LRRC8B: variants seen among roughly 807,000 people sequenced by gnomAD.
The protein encoded by LRRC8B is leucine rich repeat containing 8 VRAC subunit B.
LRRC8B carries 23 observed loss-of-function variants against 58.8 expected under a neutral mutation model. The ratio of observed to expected loss-of-function variants is 0.39; its 90% CI spans 0.28 to 0.55. The LOEUF (loss-of-function observed/expected upper bound fraction) is 0.55. LRRC8B is among the 20% of genes least tolerant of loss of function. The probability of loss-of-function intolerance (pLI) is 0.62; values close to 1 mark genes in which losing one functional copy is unlikely to be tolerated. For synonymous variants in LRRC8B, 359 were observed against 374.1 expected (o/e 0.96, Z 0.47); for missense variants, 694 against 936.0 (o/e 0.74, Z 3.37).
chr1:89,568,183 A>G (rs1653179030), intron 1 of LRRC8B, 64 bp from the exon 2 acceptor site: 1 of 152,156 alleles, frequency 6.6e-6, no homozygotes. Flanking sequence ...TTTGTGCCTT[A>G]TAAGCTACTG....
At chr1:89,528,785 A>G (rs1307211865) in intron 1 of LRRC8B, among the ~76,000 whole-genome samples, 4 of 152,194 alleles carry the variant, frequency 2.6e-5, no homozygotes, top group African/African-American at 9.7e-5. Context: ...AGCTTCAGCC[A>G]TCACCCCCAA....
At chr1:89,548,464 A>G (rs1055609421) in intron 1 of LRRC8B, among the ~76,000 whole-genome samples, 1 of 152,230 alleles carries the variant, frequency 6.6e-6, no homozygotes, top group African/African-American at 2.4e-5. Flanking sequence ...ACAGAGAAGG[A>G]CAATCAGAAC....
chr1:89,569,246 T>C (rs1394373846), intron 3 of LRRC8B, among the ~76,000 whole-genome samples: 1 of 152,210 alleles, frequency 6.6e-6, no homozygotes, highest in Admixed American at 6.5e-5. Context: ...ATCCTTTGAC[T>C]TCTTAGGTAT....
At chr1:89,590,573 T>TG (rs1330898563) in intron 5 of LRRC8B, among the ~76,000 whole-genome samples, 2 of 152,226 alleles carry the variant, frequency 1.3e-5, no homozygotes, top group Non-Finnish European at 2.9e-5. Flanking sequence ...TCTCTTCTAG[T>TG]GGAGCCTAAG....
In LRRC8B at chr1:89,582,682, C is replaced by G. The variant is rs762565912; in HGVS notation, c.32C>G (p.Ala11Gly). The G allele has an allele frequency of 6.2e-7, 1 of 1,613,820 alleles. No homozygotes were observed. The highest frequency in any genetic ancestry group is 1.1e-5 in the South Asian group (1 of 91,074). The change falls in exon 5 of 6, where the codon GCA (alanine) becomes GGA (glycine). Residue 11 changes from alanine (A) to glycine (G), a missense_variant. Physicochemically the swap from Ala to Gly is moderately conservative, Grantham distance 60. Coordinates refer to ENST00000330947, the MANE Select transcript of LRRC8B (RefSeq NM_001369817.2). MITLTELKCL[A>G]DAQSSYHILK... ...ACACTAACTGAGCTAAAATGCTTAG[C>G]AGATGCCCAGTCATCTTATCACATC...
intron 1 of LRRC8B, among the ~76,000 whole-genome samples, chr1:89,537,342 T>C (rs958750475): frequency 2.6e-5 from 4 of 152,194 alleles, no homozygotes; most frequent in Non-Finnish European, 4.4e-5. Flanking sequence ...TGAGTGTCGG[T>C]GTTCCAGCAG....
chr1:89,583,565 C>A lies in LRRC8B; in HGVS notation c.915C>A (p.Val305=), dbSNP rs1332330773. 2 of 1,611,466 alleles carry A rather than the reference C, an allele frequency of 1.2e-6. No homozygotes were observed. Among genetic ancestry groups the A allele is most frequent in the Admixed American group, 3.3e-5 (2 of 60,028 alleles). ...CAGGATATAAGCGCTACCAGTGTGT[C>A]TATTCCTTGGCAGAAATCTTTAAGG... ...AFTGYKRYQC[V]YSLAEIFKVL... Residue 305 remains valine, a synonymous_variant, in exon 5 of 6, where the codon GTC becomes GTA. Coordinates refer to ENST00000330947, the MANE Select transcript of LRRC8B (RefSeq NM_001369817.2). This position sits in a 1 kb window ranked among gnomAD's most constrained non-coding sequence, Gnocchi z 5.2.
chr1:89,564,835 A>G (rs1343997633), intron 1 of LRRC8B, among the ~76,000 whole-genome samples: 1 of 152,174 alleles, frequency 6.6e-6, no homozygotes, highest in Non-Finnish European at 1.5e-5. Context: ...TTTGTTTTAA[A>G]CATCTTTTGT....
chr1:89,565,270 AC>A (rs1205453720), intron 1 of LRRC8B, among the ~76,000 whole-genome samples: 1 of 152,184 alleles, frequency 6.6e-6, no homozygotes. Context: ...ACTAAGGTTA[AC>A]TTGTGGAAAA....
chr1:89,526,081 TTC>T (rs1414313194), intron 1 of LRRC8B, among the ~76,000 whole-genome samples: 1 of 152,234 alleles, frequency 6.6e-6, no homozygotes, highest in African/African-American at 2.4e-5. Context: ...TATCAGATGG[TTC>T]TGTCCCCTAA....
intron 3 of LRRC8B, among the ~76,000 whole-genome samples, chr1:89,574,727 C>T (rs1570626308): frequency 6.6e-6 from 1 of 151,948 alleles, no homozygotes; most frequent in Non-Finnish European, 1.5e-5. Context: ...ATTGTAAATC[C>T]GACTGTTTCT....
At chr1:89,586,059 A>T (rs1029041085) in intron 5 of LRRC8B, among the ~76,000 whole-genome samples, 7 of 152,216 alleles carry the variant, frequency 4.6e-5, no homozygotes, top group Non-Finnish European at 1.0e-4. Context: ...TGTTAGATAA[A>T]TGAGACATCT....
rs529979824 is a variant in LRRC8B, at chr1:89,541,568, G to A, written c.-241+16546G>A. ...CTACTAAAAATACAAAACATTAGCC[G>A]GGCGTAGTGGCGGGCGCCTGTAGTC... On this transcript the variant is annotated intron_variant, in intron 1 of 5. Coordinates refer to ENST00000330947, the MANE Select transcript of LRRC8B (RefSeq NM_001369817.2). Among the ~76,000 whole-genome samples, 1,302 of 150,820 alleles carry A rather than the reference G, an allele frequency of 8.6e-3. 9 individuals are homozygous for A. The highest frequency in any genetic ancestry group is 0.014 in the Non-Finnish European group (915 of 67,700).
intron 1 of LRRC8B, among the ~76,000 whole-genome samples, chr1:89,561,011 A>C (rs1459333142): frequency 1.3e-5 from 2 of 149,662 alleles, no homozygotes; most frequent in South Asian, 4.2e-4. Flanking sequence ...CAACAGTGTA[A>C]AAGTGTTCCT....
At chr1:89,532,868 A>G (rs907360031) in intron 1 of LRRC8B, among the ~76,000 whole-genome samples, 2 of 152,116 alleles carry the variant, frequency 1.3e-5, no homozygotes, top group African/African-American at 4.8e-5. Context: ...TCACCTTTAG[A>G]TTCTGTATTT....
intron 1 of LRRC8B, among the ~76,000 whole-genome samples, chr1:89,567,241 A>G (rs755821705): frequency 3.9e-5 from 6 of 152,172 alleles, no homozygotes; most frequent in Non-Finnish European, 8.8e-5. Context: ...TGGTACTTTT[A>G]TGTTTTGCTA....
Position 89,582,860 on chromosome 1 carries a change from G to A in LRRC8B, c.210G>A (p.Trp70Ter). ...TTGACAATCACTGTGCCGTGCCTTG[G>A]GACATCCTGAAAGCCAGCATGAACA... ...VEFDNHCAVP[W>*]DILKASMNTS... The change falls in exon 5 of 6, where the codon TGG (tryptophan) becomes TGA (stop). Residue 70 changes from tryptophan (W) to a stop codon, truncating the protein, a stop_gained. Coordinates refer to ENST00000330947, the MANE Select transcript of LRRC8B (RefSeq NM_001369817.2). LOFTEE classifies it high-confidence loss of function. The A allele has an allele frequency of 6.2e-7, 1 of 1,614,080 alleles. No homozygotes were observed. Among genetic ancestry groups the A allele is most frequent in the Non-Finnish European group, 8.5e-7 (1 of 1,180,004 alleles).
At chr1:89,529,016 A>C (rs532752111) in intron 1 of LRRC8B, among the ~76,000 whole-genome samples, 1 of 152,310 alleles carries the variant, frequency 6.6e-6, no homozygotes, top group Admixed American at 6.5e-5. Flanking sequence ...AAAAAGTGGG[A>C]GACTCAAATC....
intron 3 of LRRC8B, among the ~76,000 whole-genome samples, chr1:89,569,991 A>G (rs964785809): frequency 2.6e-5 from 4 of 152,228 alleles, no homozygotes; most frequent in East Asian, 1.9e-4. Flanking sequence ...CTGTTCCTGC[A>G]TTAGTTTGCT....
Sources: gnomAD v4.1 joint callset for allele counts (sites outside exome capture counted in the v4.1 genomes callset) on GRCh38, gnomAD v4.1.1 for gene constraint, Gnocchi (gnomAD v3.1) non-coding constraint, MANE v1.5 for transcripts, NCBI Gene and HGNC (gene_info 2026-07-23, HGNC 2026-07-21) for gene names.